The following PPP1R9A variants were observed in gnomAD, a reference collection of about 807,000 sequenced individuals.
PPP1R9A encodes the protein protein phosphatase 1 regulatory subunit 9A.
Under a neutral mutation model 141.9 loss-of-function variants are expected in PPP1R9A, and 59 were observed. The observed-to-expected ratio is 0.42, with a 90% confidence interval of 0.34 to 0.52. The LOEUF is 0.52. PPP1R9A is among the 20% of genes least tolerant of loss of function. The probability of loss-of-function intolerance (pLI) is 0.10; values close to 1 mark genes in which losing one functional copy is unlikely to be tolerated. For missense variants in PPP1R9A, 1,444 were observed against 1,611.9 expected (o/e 0.90, Z 1.78); for synonymous variants, 500 against 569.7 (o/e 0.88, Z 1.74).
At chr7:95,240,445 A>G (rs939135811) in intron 8 of PPP1R9A, among the ~76,000 whole-genome samples, 1 of 151,336 alleles carries the variant, frequency 6.6e-6, no homozygotes, top group African/African-American at 2.4e-5. Context: ...TGTCATCAGT[A>G]TCTATTACGT....
intron 2 of PPP1R9A, among the ~76,000 whole-genome samples, chr7:95,069,672 G>A (rs565051182): frequency 6.6e-6 from 1 of 152,112 alleles, no homozygotes; most frequent in African/African-American, 2.4e-5. Context: ...AGCAGTCAGG[G>A]TTCTCCACCT....
chr7:95,056,998 A>G (rs1811586015), intron 2 of PPP1R9A, among the ~76,000 whole-genome samples: 1 of 152,132 alleles, frequency 6.6e-6, no homozygotes, highest in Admixed American at 6.6e-5. Context: ...ACTGCTTTAA[A>G]AATTGTTGAA....
At chr7:95,179,641 ACTC>A (rs1312502003) in intron 5 of PPP1R9A, among the ~76,000 whole-genome samples, 15 of 151,908 alleles carry the variant, frequency 9.9e-5, no homozygotes, top group South Asian at 2.1e-4. Context: ...CCTCCAGAAA[ACTC>A]CTAGAACTGA....
At chr7:94,954,853 GTGTGTGTGTGTA>G (rs1287868345) in intron 2 of PPP1R9A, among the ~76,000 whole-genome samples, 4 of 141,174 alleles carry the variant, frequency 2.8e-5, no homozygotes, top group African/African-American at 1.0e-4. Context: ...GTGTGTGTGT[GTGTGTGTGTGTA>G]TATGTATATG....
Position 94,910,832 on chromosome 7 carries a change from C to G in PPP1R9A, c.719C>G (p.Ser240Cys), listed in dbSNP as rs1451049944. 1.2e-6 allele frequency: 2 copies of G among 1,613,768 alleles called. No individual in the cohort carries two copies. Among genetic ancestry groups the G allele is most frequent in the Non-Finnish European group, 1.7e-6 (2 of 1,179,986 alleles). ...GGGCATTATCCCTTGAATTTACCATCTGTTACTGTTACAAATCTTGACACA... is the reference window on the plus strand; with the variant it reads ...GGGCATTATCCCTTGAATTTACCATGTGTTACTGTTACAAATCTTGACACA... ...VTGHYPLNLP[S>C]VTVTNLDTFG... The change falls in exon 2 of 20, where the codon TCT (serine) becomes TGT (cysteine). Residue 240 changes from serine to cysteine, a missense_variant. Physicochemically the swap from Ser to Cys is moderately radical, Grantham distance 112. This residue lies in a region of PPP1R9A where 490 missense variants were observed against 521.1 expected (regional missense o/e 0.94). Transcript: ENST00000433360. The surrounding 1 kb of genome is among the most constrained non-coding windows in gnomAD (Gnocchi z 4.5).
At chr7:94,949,693 G>T (rs1442468271) in intron 2 of PPP1R9A, among the ~76,000 whole-genome samples, 1 of 151,988 alleles carries the variant, frequency 6.6e-6, no homozygotes, top group Non-Finnish European at 1.5e-5. Flanking sequence ...TCCTAATGGG[G>T]CAGGAACCTC....
Position 95,290,300 on chromosome 7 carries a change from G to C in PPP1R9A, c.4122G>C (p.Gln1374His), listed in dbSNP as rs147905433. The change falls in exon 20 of 20, where the codon CAG (glutamine) becomes CAC (histidine). Residue 1374 changes from glutamine (Q) to histidine (H), a missense_variant. By Grantham distance (24) the Gln-to-His change is conservative (BLOSUM62 0). Coordinates refer to ENST00000433360, the MANE Select transcript of PPP1R9A (RefSeq NM_001166160.2). ...TSTTAEGAGEQ is the reference protein window; with the variant it reads ...TSTTAEGAGEH ...CTACAGCCGAGGGTGCTGGTGAGCAGTAACACATACCCTCTTACAGATGAT... is the reference window on the plus strand; with the variant it reads ...CTACAGCCGAGGGTGCTGGTGAGCACTAACACATACCCTCTTACAGATGAT... The C allele has an allele frequency of 3.7e-6, 6 of 1,608,152 alleles. No homozygotes were observed. The highest frequency in any genetic ancestry group is 5.1e-6 in the Non-Finnish European group (6 of 1,177,152).
chr7:94,911,964 A>T (rs1377869827), intron 2 of PPP1R9A, among the ~76,000 whole-genome samples: 1 of 152,136 alleles, frequency 6.6e-6, no homozygotes, highest in Non-Finnish European at 1.5e-5. Flanking sequence ...TTACTTTCTT[A>T]AAAAAATCTG....
intron 2 of PPP1R9A, among the ~76,000 whole-genome samples, chr7:95,092,675 A>C (rs2152347006): frequency 6.6e-6 from 1 of 152,352 alleles, no homozygotes; most frequent in East Asian, 1.9e-4. Flanking sequence ...CAGTGGAAGT[A>C]AGACACTAGT....
chr7:95,272,517 C>T lies in PPP1R9A; in HGVS notation c.3125-1382C>T, dbSNP rs112248932. ...GCTTGAAGTGGATTTTTGACACAGA[C>T]ATATTTCTGACTCTTGTGTTTCATT... On this transcript the variant is annotated intron_variant, in intron 14 of 19. Coordinates refer to ENST00000433360, the MANE Select transcript of PPP1R9A (RefSeq NM_001166160.2). 3.3e-5 allele frequency among the ~76,000 whole-genome samples: 5 copies of T among 152,240 alleles called. 1 individual carries two copies. The highest frequency in any genetic ancestry group is 1.2e-4 in the African/African-American group (5 of 41,556).
chr7:95,245,437 G>T (rs946033402), intron 8 of PPP1R9A, among the ~76,000 whole-genome samples: 2 of 152,138 alleles, frequency 1.3e-5, no homozygotes, highest in African/African-American at 4.8e-5. Context: ...AGACCAGGTT[G>T]GCTGTCTTCT....
At chr7:95,137,206 G>A (rs1405543472) in intron 4 of PPP1R9A, among the ~76,000 whole-genome samples, 1 of 151,338 alleles carries the variant, frequency 6.6e-6, no homozygotes, top group East Asian at 1.9e-4. Flanking sequence ...TTTACATTAG[G>A]TATATCTCCT....
At chr7:94,922,635 T>C (rs1792989287) in intron 2 of PPP1R9A, among the ~76,000 whole-genome samples, 1 of 152,174 alleles carries the variant, frequency 6.6e-6, no homozygotes, top group South Asian at 2.1e-4. Flanking sequence ...GTAAAAAGTC[T>C]GGTTAAATGC....
At chr7:94,907,991 C>T (rs1436091811) in intron 1 of PPP1R9A, 1 of 148,986 alleles carries the variant, frequency 6.7e-6, no homozygotes, top group East Asian at 2.0e-4. Flanking sequence ...CCGCCCTACG[C>T]GCTGCGCCGT....
intron 2 of PPP1R9A, among the ~76,000 whole-genome samples, chr7:94,932,508 C>G (rs1252855398): frequency 1.3e-5 from 2 of 151,982 alleles, no homozygotes; most frequent in African/African-American, 2.4e-5. Context: ...TTTTGGAGAC[C>G]CTTGGAGTAG....
intron 2 of PPP1R9A, among the ~76,000 whole-genome samples, chr7:94,996,814 T>C (rs2151479483): frequency 6.6e-6 from 1 of 150,884 alleles, no homozygotes; most frequent in Admixed American, 6.6e-5. Context: ...TTTTTTTTTT[T>C]TTTTGAGATG....
intron 14 of PPP1R9A, among the ~76,000 whole-genome samples, chr7:95,273,523 A>C (rs1405555158): frequency 4.6e-5 from 7 of 152,336 alleles, no homozygotes; most frequent in African/African-American, 1.7e-4. Flanking sequence ...CAAGGCAAGA[A>C]AGGAATGGAG....
At chr7:94,914,249 G>GT (rs1163930448) in intron 2 of PPP1R9A, among the ~76,000 whole-genome samples, 3 of 152,064 alleles carry the variant, frequency 2.0e-5, no homozygotes, top group Non-Finnish European at 4.4e-5. Context: ...AGCACCTTTA[G>GT]TTTTTTGTTA....
At chr7:94,944,152 T>C (rs989509358) in intron 2 of PPP1R9A, among the ~76,000 whole-genome samples, 2 of 152,160 alleles carry the variant, frequency 1.3e-5, no homozygotes, top group Admixed American at 6.6e-5. Flanking sequence ...TTTCCTTGTG[T>C]TGGGAACATT....
Sources: allele counts gnomAD v4.1 joint callset (sites outside exome capture counted in the v4.1 genomes callset), GRCh38; gene constraint gnomAD v4.1.1; regional missense constraint gnomAD v4.1.1; non-coding constraint Gnocchi (gnomAD v3.1); transcripts MANE v1.5; gene names NCBI Gene and HGNC (gene_info 2026-07-23, HGNC 2026-07-21).